The following LRP6 variants were observed in gnomAD, a reference collection of about 807,000 sequenced individuals.
LRP6 encodes the protein LDL receptor related protein 6.
A neutral mutation model predicts 184.1 loss-of-function variants in LRP6; 43 were observed. The observed-to-expected ratio is 0.23, with a 90% CI of 0.18 to 0.30. LRP6 has a LOEUF of 0.30. Ranked by LOEUF, LRP6 falls within the 10% of genes least tolerant of loss-of-function variation. The probability of loss-of-function intolerance (pLI) is 1.00; values close to 1 mark genes in which losing one functional copy is unlikely to be tolerated. For synonymous variants in LRP6, 719 were observed against 684.9 expected (o/e 1.05, Z -0.78); for missense variants, 1,571 against 2,005.3 (o/e 0.78, Z 4.14).
At chr12:12,131,168 C>T (rs1375284437) in intron 18 of LRP6, among the ~76,000 whole-genome samples, 3 of 130,178 alleles carry the variant, frequency 2.3e-5, no homozygotes, top group Non-Finnish European at 3.1e-5. Context: ...AGTGCAGTGG[C>T]GCGATATTGG....
At chr12:12,176,490 C>T (rs921283556) in intron 7 of LRP6, among the ~76,000 whole-genome samples, 1 of 152,138 alleles carries the variant, frequency 6.6e-6, no homozygotes, top group African/African-American at 2.4e-5. Context: ...CCCTCCTTCC[C>T]GAAGCTTATT....
At chr12:12,205,229 A>T (rs1479481754) in intron 2 of LRP6, among the ~76,000 whole-genome samples, 1 of 150,304 alleles carries the variant, frequency 6.7e-6, no homozygotes, top group Non-Finnish European at 1.5e-5. Flanking sequence ...AGGCAAGAGA[A>T]TCGCTTGAAT....
At chr12:12,179,715 G>T in intron 7 of LRP6, 95 bp downstream of exon 7, 1 of 1,377,444 alleles carries the variant, frequency 7.3e-7, no homozygotes, top group Non-Finnish European at 1.0e-6. Flanking sequence ...CCAGACAACT[G>T]TTAAGAAAAA....
rs1949600423 is a variant in LRP6 at position 12,121,217 on chromosome 12, T to G, written c.4751A>C (p.Tyr1584Ser). Residue 1584 changes from tyrosine to serine, a missense_variant, in exon 23 of 23, where the codon TAT becomes TCT. This residue lies in a region of LRP6 where 763 missense variants were observed against 859.5 expected (regional missense o/e 0.89). Transcript: ENST00000261349. ...RSQYLSAEEN[Y>S]ESCPPSPYTE... ...GTATGGAGAAGGTGGGCAGCTTTCA[T>G]AGTTCTCCTCTGCTGACAAGTATTG... 6.2e-7 allele frequency: 1 copy of G among 1,613,984 alleles called. No individual in the cohort carries two copies. Among genetic ancestry groups the G allele is most frequent in the Non-Finnish European group, 8.5e-7 (1 of 1,180,008 alleles).
chr12:12,237,166 T>C (rs1039972841), intron 2 of LRP6, among the ~76,000 whole-genome samples: 2 of 152,102 alleles, frequency 1.3e-5, no homozygotes, highest in African/African-American at 2.4e-5. Context: ...AAAGACCAAA[T>C]ATTAGAACAA....
rs552726782 is a variant in LRP6, at chr12:12,163,267, G to A, written c.2053-848C>T. On this transcript the variant is annotated intron_variant, in intron 9 of 22. Coordinates refer to ENST00000261349, the MANE Select transcript of LRP6 (RefSeq NM_002336.3). ...CTGGGATTTACAGGCCTGAGTCACCGCACCCAGCCACCCCCCATTTTCAAG... is the reference window on the plus strand; with the variant it reads ...CTGGGATTTACAGGCCTGAGTCACCACACCCAGCCACCCCCCATTTTCAAG... 1.0e-3 allele frequency among the ~76,000 whole-genome samples: 159 copies of A among 152,080 alleles called. 1 individual carries two copies. Among genetic ancestry groups the A allele is most frequent in the African/African-American group, 3.6e-3 (149 of 41,504 alleles).
Position 12,116,182 on chromosome 12 carries a change from A to C in LRP6, c.*4944T>G, listed in dbSNP as rs1949518019. ...CAAAAGGAGGGAAGTGAATAAGTGG[A>C]CAAGGGCTGACCAAATGTTGGCCAT... On this transcript the variant is annotated 3_prime_UTR_variant, in exon 23 of 23. Transcript: ENST00000261349. 1 of 152,236 alleles carries C rather than the reference A, an allele frequency of 6.6e-6. No homozygotes were observed. Among genetic ancestry groups the C allele is most frequent in the Non-Finnish European group, 1.5e-5 (1 of 68,046 alleles). The allele number at this position is 152,236 out of a possible 1,614,324, so 9.4% of individuals were successfully genotyped here.
chr12:12,232,860 C>T (rs560566457), intron 2 of LRP6, among the ~76,000 whole-genome samples: 1 of 152,228 alleles, frequency 6.6e-6, no homozygotes, highest in Admixed American at 6.5e-5. Context: ...AACTTAAGGA[C>T]ACAAGAGGAA....
chr12:12,213,971 G>C (rs1864277931), intron 2 of LRP6, among the ~76,000 whole-genome samples: 1 of 152,092 alleles, frequency 6.6e-6, no homozygotes, highest in African/African-American at 2.4e-5. Context: ...TAAAAGAAAA[G>C]TGTCTTTCCT....
At chr12:12,259,640 A>T (rs935907864) in intron 1 of LRP6, among the ~76,000 whole-genome samples, 1 of 152,212 alleles carries the variant, frequency 6.6e-6, no homozygotes, top group African/African-American at 2.4e-5. Context: ...TGAGAAACAA[A>T]AGCATATGTT....
chr12:12,260,999 C>A lies in LRP6; in HGVS notation c.55+5682G>T, dbSNP rs961242356. ...CATAAAATATTTTCCATTAATATAT[C>A]CCTTCCCAGAATCTCCTTTGATATT... On this transcript the variant is annotated intron_variant, in intron 1 of 22. Transcript: ENST00000261349. Among the ~76,000 whole-genome samples the A allele has an allele frequency of 3.9e-5, 6 of 152,136 alleles. No homozygotes were observed. In the South Asian group the frequency reaches 8.3e-4, roughly 21 times the overall value.
chr12:12,186,778 C>A (rs976343055), intron 4 of LRP6, 145 bp downstream of exon 4: 6 of 756,226 alleles, frequency 7.9e-6, no homozygotes, highest in Non-Finnish European at 9.0e-6. Flanking sequence ...CTTGCCTCAG[C>A]CTCCCAAGTA....
In LRP6 at chr12:12,253,237, C is replaced by A. The variant is rs373078392; in HGVS notation, c.56-8582G>T. Among the ~76,000 whole-genome samples the A allele has an allele frequency of 1.2e-4, 18 of 152,252 alleles. No individual in the cohort carries two copies. In the East Asian group the frequency reaches 3.5e-3, roughly 29 times the overall value. On this transcript the variant is annotated intron_variant, in intron 1 of 22. Transcript: ENST00000261349. The stretch of plus-strand genomic sequence containing the variant: ...CAAGATCGCGCCACTGAACTCCAGC[C>A]TGGGCAACACAGCGAGACTCTGTCT...
In LRP6 at chr12:12,231,180, CAAAAAA is replaced by C. The variant is rs10661340; in HGVS notation, c.449+13076_449+13081del. 3.4e-4 allele frequency among the ~76,000 whole-genome samples: 8 copies of C among 23,556 alleles called. No homozygotes were observed. In the Admixed American group the frequency reaches 3.9e-3, roughly 12 times the overall value. 15.5% of individuals were successfully genotyped at this position (23,556 alleles called of 152,430 possible). The stretch of plus-strand genomic sequence containing the variant: ...TGGATGACAGAGCAAGACTCCATCT[CAAAAAA>C]AAAAAAAAAAAAAAAAAAAAAAGCA... On this transcript the variant is annotated intron_variant, in intron 2 of 22. Coordinates refer to ENST00000261349, the MANE Select transcript of LRP6 (RefSeq NM_002336.3).
chr12:12,139,406 T>TA (rs1205115035), intron 15 of LRP6, among the ~76,000 whole-genome samples: 1 of 152,178 alleles, frequency 6.6e-6, no homozygotes, highest in Admixed American at 6.5e-5. Flanking sequence ...TATTCTCTCC[T>TA]AAAACTCTAC....
At chr12:12,173,182 G>A (rs1045583647) in intron 7 of LRP6, among the ~76,000 whole-genome samples, 6 of 152,094 alleles carry the variant, frequency 3.9e-5, no homozygotes, top group African/African-American at 1.4e-4. Context: ...TCATGATGAC[G>A]AATGTCAACA....
chr12:12,248,471 CTTTTTTTTTT>C (rs71061030), intron 1 of LRP6, among the ~76,000 whole-genome samples: 11 of 62,794 alleles, frequency 1.8e-4, no homozygotes, highest in South Asian at 1.9e-3. Flanking sequence ...AGTCTTTACT[CTTTTTTTTTT>C]TTTTTTTTTT....
At chr12:12,255,443 C>T (rs74061156) in intron 1 of LRP6, among the ~76,000 whole-genome samples, 28,792 of 150,024 alleles carry the variant, frequency 0.19, 3,329 homozygotes, top group African/African-American at 0.32. Context: ...AAGCCTTTTT[C>T]GGTTTGATTT....
chr12:12,186,658 CTTTTTT>C (rs34355990), intron 4 of LRP6: 3 of 289,208 alleles, frequency 1.0e-5, no homozygotes, highest in African/African-American at 5.2e-5. Context: ...GGGATTTTAA[CTTTTTT>C]TTTTTTTTTT....
Sources: gnomAD v4.1 joint callset for allele counts (sites outside exome capture counted in the v4.1 genomes callset) on GRCh38, gnomAD v4.1.1 for gene constraint, gnomAD v4.1.1 regional missense constraint, MANE v1.5 for transcripts, NCBI Gene and HGNC (gene_info 2026-07-23, HGNC 2026-07-21) for gene names.